Variants in NHSL2 observed in about 807,000 individuals in gnomAD.
The protein encoded by NHSL2 is NHS-like protein 2.
A neutral mutation model predicts 53.4 loss-of-function variants in NHSL2; 27 were observed. The ratio of observed to expected loss-of-function variants is 0.51; its 90% CI spans 0.37 to 0.70. NHSL2 has a LOEUF of 0.70. NHSL2 is among the 30% of genes least tolerant of loss of function. The pLI is 0.00. For synonymous variants in NHSL2, 408 were observed against 404.1 expected, an observed-to-expected ratio of 1.01 and a Z score of -0.12; for missense variants, 892 against 980.1, an observed-to-expected ratio of 0.91 and a Z score of 1.20.
chrX:72,130,777 G>A (rs1247070692), intron 1 of NHSL2: 1 of 1,210,008 alleles, frequency 8.3e-7, no homozygotes, highest in African/African-American at 1.7e-5. Context: ...AAAAGCATCT[G>A]CATAGCTGCC....
At chrX:72,016,199 G>A (rs1255625845) in intron 1 of NHSL2, among the ~76,000 whole-genome samples, 2 of 112,359 alleles carry the variant, frequency 1.8e-5, no homozygotes, top group East Asian at 5.6e-4. Flanking sequence ...TTATCAAATG[G>A]AAAGCTAGTT....
chrX:72,142,095 C>A (rs981989918), intron 6 of NHSL2, 137 bp from the exon 7 acceptor site: 3 of 441,924 alleles, frequency 6.8e-6, no homozygotes, highest in African/African-American at 4.9e-5. Flanking sequence ...TCCTCCTCTG[C>A]AAAATGGAGG....
chrX:71,977,794 A>G lies in NHSL2; in HGVS notation c.280+66427A>G, dbSNP rs770456047. ...TTTGTAGACATTTAGAAACTTTCCAAAGTGCTCCAGACACCTCATTAGGAG... is the reference window on the plus strand; with the variant it reads ...TTTGTAGACATTTAGAAACTTTCCAGAGTGCTCCAGACACCTCATTAGGAG... On this transcript the variant is annotated intron_variant, in intron 1 of 7. Coordinates refer to ENST00000633930, the MANE Select transcript of NHSL2 (RefSeq NM_001013627.3). Among the ~76,000 whole-genome samples, 8 of 111,881 alleles carry G rather than the reference A, an allele frequency of 7.2e-5. No individual in the cohort carries two copies. In the East Asian group the frequency reaches 2.2e-3, roughly 31 times the overall value.
rs1247894570 is a variant in NHSL2 at position 72,132,346 on chromosome X, T to TA, written c.436+117dup. On this transcript the variant is annotated intron_variant, in intron 2 of 7. Transcript: ENST00000633930. ...ACCAGCAAGATAAAGACAGAGAGTT[T>TA]AAAAACAATCGACAAAGCAGTTTCC... 13 of 691,794 alleles carry TA rather than the reference T, an allele frequency of 1.9e-5. No homozygotes were observed. In the African/African-American group the frequency reaches 2.0e-4, roughly 11 times the overall value. 57.0% of individuals were successfully genotyped at this position (691,794 alleles called of 1,213,427 possible).
At chrX:72,137,720 T>G (rs796517819) in intron 5 of NHSL2, among the ~76,000 whole-genome samples, 2 of 111,273 alleles carry the variant, frequency 1.8e-5, no homozygotes, top group South Asian at 7.6e-4. Flanking sequence ...ACTGACATGG[T>G]GGAATTAGCA....
intron 1 of NHSL2, among the ~76,000 whole-genome samples, chrX:71,927,205 A>T (rs967109962): frequency 5.3e-5 from 6 of 112,319 alleles, no homozygotes; most frequent in Admixed American, 2.8e-4. Context: ...CTCATTCACC[A>T]TCTTGCTGAC....
Position 72,037,541 on chromosome X carries a change from T to C in NHSL2, c.281-94538T>C, listed in dbSNP as rs191253162. On this transcript the variant is annotated intron_variant, in intron 1 of 7. Coordinates refer to ENST00000633930, the MANE Select transcript of NHSL2 (RefSeq NM_001013627.3). ...ATTCTGGTCTCCTTTGTACATCTGG[T>C]GCAGCTGCAGCTCCCTAACTTGGTC... Among the ~76,000 whole-genome samples, 401 of 111,912 alleles carry C rather than the reference T, an allele frequency of 3.6e-3. 1 individual carries two copies. The highest frequency in any genetic ancestry group is 4.5e-3 in the Non-Finnish European group (237 of 53,066).
intron 1 of NHSL2, among the ~76,000 whole-genome samples, chrX:72,077,868 T>C (rs987407845): frequency 5.4e-5 from 6 of 111,856 alleles, no homozygotes; most frequent in Non-Finnish European, 1.1e-4. Flanking sequence ...CTCCTGCGCC[T>C]TAGAGGGAAG....
chrX:71,911,934 G>A (rs1046959855), intron 1 of NHSL2, among the ~76,000 whole-genome samples: 2 of 111,652 alleles, frequency 1.8e-5, no homozygotes, highest in East Asian at 5.7e-4. Context: ...GTGTCTGAGC[G>A]TCCTCCCGCT....
intron 1 of NHSL2, among the ~76,000 whole-genome samples, chrX:72,001,232 T>G (rs2042071420): frequency 1.8e-5 from 2 of 112,170 alleles, no homozygotes; most frequent in South Asian, 7.4e-4. Context: ...AAGATTTTTG[T>G]GCATTCCTGG....
chrX:72,070,772 G>A (rs943051865), intron 1 of NHSL2, among the ~76,000 whole-genome samples: 2 of 108,832 alleles, frequency 1.8e-5, no homozygotes, highest in African/African-American at 6.7e-5. Flanking sequence ...CACACCCTTC[G>A]CATCACACAG....
intron 1 of NHSL2, among the ~76,000 whole-genome samples, chrX:72,027,002 T>A (rs757624444): frequency 2.8e-4 from 31 of 112,248 alleles, no homozygotes; most frequent in Non-Finnish European, 5.1e-4. Flanking sequence ...TTTCAATGTG[T>A]GAAGAAGGGA....
chrX:71,915,142 C>G (rs2041622134), intron 1 of NHSL2, among the ~76,000 whole-genome samples: 1 of 111,701 alleles, frequency 9.0e-6, no homozygotes, highest in East Asian at 2.8e-4. Flanking sequence ...AGAATTTCTT[C>G]CACTTTAGAA....
At chrX:72,069,140 C>T (rs1288590739) in intron 1 of NHSL2, among the ~76,000 whole-genome samples, 1 of 112,240 alleles carries the variant, frequency 8.9e-6, no homozygotes, top group African/African-American at 3.2e-5. Flanking sequence ...GCCCCGCGCT[C>T]CTGCAAGCTT....
intron 1 of NHSL2, among the ~76,000 whole-genome samples, chrX:72,112,478 T>C (rs2147478880): frequency 8.9e-6 from 1 of 111,945 alleles, no homozygotes; most frequent in African/African-American, 3.2e-5. Flanking sequence ...GGAGACCTTT[T>C]TCTCATTAGC....
At chrX:72,086,682 TCA>T (rs1491131279) in intron 1 of NHSL2, among the ~76,000 whole-genome samples, 1 of 21,695 alleles carries the variant, frequency 4.6e-5, no homozygotes, top group Non-Finnish European at 7.1e-5. Context: ...AAACTCCATC[TCA>T]AAAAAAAAAA....
intron 1 of NHSL2, among the ~76,000 whole-genome samples, chrX:72,035,936 G>A (rs1437496905): frequency 5.4e-5 from 6 of 111,736 alleles, no homozygotes; most frequent in Non-Finnish European, 9.4e-5. Flanking sequence ...CCTGAGCTCC[G>A]CCTCCTGTCT....
At chrX:72,131,965 C>T in intron 1 of NHSL2, 114 bp from the exon 2 acceptor site, 1 of 721,620 alleles carries the variant, frequency 1.4e-6, no homozygotes, top group Non-Finnish European at 2.1e-6. Flanking sequence ...CAGCCTCGCA[C>T]TCCCCCCACC....
chrX:72,020,654 A>G (rs2042155765), intron 1 of NHSL2, among the ~76,000 whole-genome samples: 1 of 112,490 alleles, frequency 8.9e-6, no homozygotes, highest in Admixed American at 9.4e-5. Context: ...CCTGTCTGAG[A>G]GAAGCCCCCA....
Sources: allele counts gnomAD v4.1 joint callset (sites outside exome capture counted in the v4.1 genomes callset), GRCh38; gene constraint gnomAD v4.1.1; transcripts MANE v1.5; gene names NCBI Gene and HGNC (gene_info 2026-07-23, HGNC 2026-07-21).